BICRAL: variants seen among roughly 807,000 people sequenced by gnomAD.
BICRAL encodes BRD4-interacting chromatin-remodeling complex-associated protein-like.
In BICRAL, 8 loss-of-function variants were observed where a neutral mutation model predicts 91.8. The ratio of observed to expected loss-of-function variants is 0.09; its 90% CI spans 0.05 to 0.16. The LOEUF is 0.16. Among genes scored for constraint, BICRAL ranks in the 10% least tolerant of loss-of-function variants. The pLI, the probability that BICRAL is intolerant of heterozygous loss-of-function variation, is 1.00. For synonymous variants in BICRAL, 445 were observed against 491.1 expected (o/e 0.91, Z 1.24); for missense variants, 1,038 against 1,310.9 (o/e 0.79, Z 3.21).
chr6:42,837,500 G>C (rs58598262), intron 6 of BICRAL, among the ~76,000 whole-genome samples: 71,438 of 151,168 alleles, frequency 0.47, 18,199 homozygotes, highest in African/African-American at 0.67. Flanking sequence ...GCCTGTAATC[G>C]CAGCACTTTG....
chr6:42,839,016 A>G (rs1764714272), intron 6 of BICRAL, among the ~76,000 whole-genome samples: 1 of 151,916 alleles, frequency 6.6e-6, no homozygotes, highest in African/African-American at 2.4e-5. Flanking sequence ...CCTGGTCAAC[A>G]TGGCGAAACC....
Position 42,793,299 on chromosome 6 carries a change from T to A in BICRAL, c.-102+11198T>A, listed in dbSNP as rs1218194073. 7.8e-4 allele frequency among the ~76,000 whole-genome samples: 60 copies of A among 77,372 alleles called. 1 individual carries two copies. The highest frequency in any genetic ancestry group is 5.0e-3 in the Middle Eastern group (1 of 202). The allele number at this position is 77,372 out of a possible 152,430, so 50.8% of individuals were successfully genotyped here. On this transcript the variant is annotated intron_variant, in intron 1 of 12. Coordinates refer to ENST00000314073, the MANE Select transcript of BICRAL (RefSeq NM_001393499.1). ...GCTGGGATTACAGACCCAGCTAATTTTTTTTTTTTTTTTTTTTTTTTTTTT... is the reference window on the plus strand; with the variant it reads ...GCTGGGATTACAGACCCAGCTAATTATTTTTTTTTTTTTTTTTTTTTTTTT...
At chr6:42,842,394 AAAATATTTGAACC>A (rs753273318) in intron 6 of BICRAL, among the ~76,000 whole-genome samples, 37 of 152,188 alleles carry the variant, frequency 2.4e-4, no homozygotes, top group Non-Finnish European at 2.2e-4. Context: ...TAATCCTCCT[AAAATATTTGAACC>A]AAATCATCAG....
Position 42,810,377 on chromosome 6 carries a change from T to C in BICRAL, c.-30T>C, listed in dbSNP as rs1444030077. 2.6e-5 allele frequency: 4 copies of C among 152,202 alleles called. No homozygotes were observed. The highest frequency in any genetic ancestry group is 4.4e-5 in the Non-Finnish European group (3 of 68,040). 9.4% of individuals were successfully genotyped at this position (152,202 alleles called of 1,614,324 possible). A position where few individuals can be genotyped will look rare whatever the true frequency, so the allele number is the denominator to read the frequency against. On this transcript the variant is annotated 5_prime_UTR_variant, in exon 2 of 13. Transcript: ENST00000314073. ...GAAGCTTGGGAACTCCTGCCAAAAATTGTAGCACTTCTCACATTGCAATGG... is the reference window on the plus strand; with the variant it reads ...GAAGCTTGGGAACTCCTGCCAAAAACTGTAGCACTTCTCACATTGCAATGG...
chr6:42,866,882 G>C lies in BICRAL; in HGVS notation c.*1436G>C. The C allele has an allele frequency of 2.2e-6, 1 of 455,994 alleles. No individual in the cohort carries two copies. Among genetic ancestry groups the C allele is most frequent in the Non-Finnish European group, 4.4e-6 (1 of 226,774 alleles). The allele number at this position is 455,994 out of a possible 1,614,324, so 28.2% of individuals were successfully genotyped here. On this transcript the variant is annotated 3_prime_UTR_variant, in exon 13 of 13. Transcript: ENST00000314073. Reference sequence around the variant, plus strand: ...ACCATCACTTATCTCCTCTCATTGGGAAAGCTACATGATAGTATTTTTATG... The same window carrying C: ...ACCATCACTTATCTCCTCTCATTGGCAAAGCTACATGATAGTATTTTTATG...
At chr6:42,855,807 ATTC>A in intron 8 of BICRAL, 46 bp from the exon 9 acceptor site, 5 of 1,429,706 alleles carry the variant, frequency 3.5e-6, no homozygotes, top group Non-Finnish European at 4.9e-6. Flanking sequence ...GTATAACTGT[ATTC>A]TTTTTTCTAT....
At chr6:42,796,288 A>C (rs1340445953) in intron 1 of BICRAL, among the ~76,000 whole-genome samples, 1 of 152,194 alleles carries the variant, frequency 6.6e-6, no homozygotes, top group East Asian at 1.9e-4. Context: ...CTTTGAGCAG[A>C]GTCTTGAATA....
rs1175179751 is a variant in BICRAL, at chr6:42,804,863, T to C, written c.-101-5443T>C. 3.3e-5 allele frequency among the ~76,000 whole-genome samples: 5 copies of C among 152,190 alleles called. No homozygotes were observed. The East Asian group carries it at 9.6e-4, about 29-fold the overall frequency. On this transcript the variant is annotated intron_variant, in intron 1 of 12. Coordinates refer to ENST00000314073, the MANE Select transcript of BICRAL (RefSeq NM_001393499.1). The stretch of plus-strand genomic sequence containing the variant: ...ACTTTATGGTGTGTGTATTCATTTA[T>C]ATTTGGGCTCTGCTTTTTTAAAAAA...
At chr6:42,752,922 T>TC (rs1396370618) in intron 1 of BICRAL, among the ~76,000 whole-genome samples, 3 of 147,432 alleles carry the variant, frequency 2.0e-5, no homozygotes, top group Non-Finnish European at 1.5e-5. Flanking sequence ...CTTTTTTTTT[T>TC]TTTTTTTTTT....
chr6:42,846,383 AC>A (rs1243459979), intron 6 of BICRAL, among the ~76,000 whole-genome samples: 12 of 147,132 alleles, frequency 8.2e-5, no homozygotes, highest in African/African-American at 3.2e-4. Flanking sequence ...AATAAAATAA[AC>A]AATAAGTTAA....
intron 2 of BICRAL, 92 bp from the exon 3 acceptor site, chr6:42,821,926 G>C: frequency 1.4e-6 from 1 of 708,568 alleles, no homozygotes; most frequent in Non-Finnish European, 2.5e-6. Context: ...TATTTATCCA[G>C]AAAAGTGTAA....
At chr6:42,852,384 G>A (rs376450733) in intron 7 of BICRAL, 187 bp downstream of exon 7, 20 of 684,314 alleles carry the variant, frequency 2.9e-5, no homozygotes, top group African/African-American at 2.1e-4. Context: ...GCATTGGGCC[G>A]GGCACGGTGG....
rs1255819077 is a variant in BICRAL, at chr6:42,859,430, G to A, written c.2255-832G>A. On this transcript the variant is annotated intron_variant, in intron 10 of 12. Transcript: ENST00000314073. Reference sequence around the variant, plus strand: ...CCACAGTGGGTGTGAAGACTGAGAAGAAGAATGAATTAGAAGGTGTTCAAA... The same window carrying A: ...CCACAGTGGGTGTGAAGACTGAGAAAAAGAATGAATTAGAAGGTGTTCAAA... Among the ~76,000 whole-genome samples the A allele has an allele frequency of 3.3e-5, 5 of 150,964 alleles. No individual in the cohort carries two copies. The East Asian group carries it at 9.7e-4, about 29-fold the overall frequency.
chr6:42,765,389 A>G (rs1383864706), intron 1 of BICRAL, among the ~76,000 whole-genome samples: 1 of 152,186 alleles, frequency 6.6e-6, no homozygotes, highest in Non-Finnish European at 1.5e-5. Context: ...CATGACATGT[A>G]GTAATTTGAA....
intron 1 of BICRAL, among the ~76,000 whole-genome samples, chr6:42,776,615 T>C (rs972525193): frequency 2.0e-5 from 3 of 152,166 alleles, no homozygotes; most frequent in Admixed American, 2.0e-4. Context: ...CCCAAAGTGT[T>C]AGGATTACAG....
chr6:42,791,120 G>C lies in BICRAL; in HGVS notation c.-102+9019G>C, dbSNP rs1039819019. Among the ~76,000 whole-genome samples, 10 of 152,104 alleles carry C rather than the reference G, an allele frequency of 6.6e-5. No individual in the cohort carries two copies. In the East Asian group the frequency reaches 1.7e-3, roughly 26 times the overall value. On this transcript the variant is annotated intron_variant, in intron 1 of 12. Transcript: ENST00000314073. ...TGTGGGAAGGTGGAGGATGAAAGAG[G>C]ACCTGGGAGCAGCAACTTTGTTCTG...
chr6:42,847,889 G>A (rs1270993912), intron 6 of BICRAL, among the ~76,000 whole-genome samples: 1 of 152,110 alleles, frequency 6.6e-6, no homozygotes, highest in African/African-American at 2.4e-5. Context: ...CAGCACTTTG[G>A]AAGGCCGAGG....
intron 1 of BICRAL, among the ~76,000 whole-genome samples, chr6:42,802,421 G>GTTTTTTTTTT (rs370280741): frequency 6.7e-6 from 1 of 149,684 alleles, no homozygotes; most frequent in African/African-American, 2.5e-5. Context: ...AGCTTTTCGT[G>GTTTTTTTTTT]TTTTTTTTTG....
chr6:42,815,220 C>T (rs1334170294), intron 2 of BICRAL, among the ~76,000 whole-genome samples: 5 of 127,696 alleles, frequency 3.9e-5, no homozygotes, highest in African/African-American at 1.2e-4. Flanking sequence ...GATGGAGTCT[C>T]GCTCTGTTGC....
Sources: gnomAD v4.1 joint callset for allele counts (sites outside exome capture counted in the v4.1 genomes callset) on GRCh38, gnomAD v4.1.1 for gene constraint, MANE v1.5 for transcripts, NCBI Gene and HGNC (gene_info 2026-07-23, HGNC 2026-07-21) for gene names.